RNF121: variants seen among roughly 807,000 people sequenced by gnomAD.
RNF121 encodes the protein E3 ubiquitin ligase RNF121.
RNF121 carries 21 observed loss-of-function variants against 46.5 expected under a neutral mutation model. The ratio of observed to expected loss-of-function variants is 0.45; its 90% confidence interval spans 0.32 to 0.65. The LOEUF (loss-of-function observed/expected upper bound fraction) is 0.65, where lower values mean the gene tolerates loss of function less well. Ranked by LOEUF, RNF121 falls within the 30% of genes least tolerant of loss-of-function variation. The pLI is 0.04. For missense variants in RNF121, 346 were observed against 416.0 expected, an observed-to-expected ratio of 0.83 and a Z score of 1.46; for synonymous variants, 139 against 144.7, an observed-to-expected ratio of 0.96 and a Z score of 0.28.
rs10635678 is a variant in RNF121 at position 71,982,335 on chromosome 11, C to CAAAAAAAA, written c.244-414_244-407dup. Among the ~76,000 whole-genome samples the CAAAAAAAA allele has an allele frequency of 3.3e-4, 26 of 79,076 alleles. 1 individual carries two copies. The highest frequency in any genetic ancestry group is 7.2e-4 in the African/African-American group (14 of 19,562). 51.9% of individuals were successfully genotyped at this position (79,076 alleles called of 152,430 possible). On this transcript the variant is annotated intron_variant, in intron 3 of 8. Coordinates refer to ENST00000361756, the MANE Select transcript of RNF121 (RefSeq NM_018320.5). ...TGGGCAACAGAGCAAGACTCCATCT[C>CAAAAAAAA]AAAAAAAAAAAAAAAAAAAGGAATG...
At chr11:71,949,101 T>C (rs187065075) in intron 1 of RNF121, among the ~76,000 whole-genome samples, 3 of 152,342 alleles carry the variant, frequency 2.0e-5, no homozygotes, top group Non-Finnish European at 2.9e-5. Context: ...GTTGGGCTTA[T>C]TCCTCTTTAA....
chr11:71,984,745 A>ATTTTTTTTT (rs56134788), intron 4 of RNF121, among the ~76,000 whole-genome samples: 51 of 94,826 alleles, frequency 5.4e-4, no homozygotes, highest in African/African-American at 7.9e-4. Context: ...CACCCGGCTA[A>ATTTTTTTTT]TTTTTTTTTT....
chr11:71,957,069 A>T (rs1565148176), intron 1 of RNF121, among the ~76,000 whole-genome samples, 158 bp from the exon 2 acceptor site: 1 of 152,238 alleles, frequency 6.6e-6, no homozygotes, highest in Admixed American at 6.5e-5. Flanking sequence ...GAAGGGAGAG[A>T]TCAGTGTGAA....
chr11:71,950,789 A>G (rs759345950), intron 1 of RNF121, among the ~76,000 whole-genome samples: 20 of 152,036 alleles, frequency 1.3e-4, no homozygotes, highest in South Asian at 2.1e-4. Context: ...AGTAGCTGGG[A>G]CTACAGGCAG....
At chr11:71,934,671 C>T (rs186669781) in intron 1 of RNF121, among the ~76,000 whole-genome samples, 1 of 152,298 alleles carries the variant, frequency 6.6e-6, no homozygotes, top group East Asian at 1.9e-4. Flanking sequence ...GGATATCTGA[C>T]TACCTCTGGA....
intron 2 of RNF121, among the ~76,000 whole-genome samples, chr11:71,958,227 C>A (rs955962818): frequency 6.6e-6 from 1 of 152,066 alleles, no homozygotes; most frequent in Non-Finnish European, 1.5e-5. Context: ...AAGAAGGCAA[C>A]CTGGATTAAT....
intron 5 of RNF121, among the ~76,000 whole-genome samples, chr11:71,988,121 C>T (rs192036900): frequency 7.2e-4 from 110 of 152,314 alleles, no homozygotes; most frequent in African/African-American, 2.6e-3. Context: ...TCCCAGATAA[C>T]GCTGCTCTGT....
intron 1 of RNF121, among the ~76,000 whole-genome samples, chr11:71,937,727 C>G (rs1953454385): frequency 6.6e-6 from 1 of 152,214 alleles, no homozygotes; most frequent in South Asian, 2.1e-4. Context: ...CTTTGCATCT[C>G]TGACTTGCCA....
chr11:71,986,783 A>G (rs909385864), intron 4 of RNF121, among the ~76,000 whole-genome samples: 21 of 151,752 alleles, frequency 1.4e-4, no homozygotes, highest in African/African-American at 3.6e-4. Flanking sequence ...AAAAAAAAAA[A>G]AAAAAAGAAA....
chr11:71,959,387 G>A (rs567504674), intron 2 of RNF121, among the ~76,000 whole-genome samples: 2 of 152,138 alleles, frequency 1.3e-5, no homozygotes, highest in African/African-American at 4.8e-5. Context: ...TTGCTTTATT[G>A]TTTATAATTC....
At chr11:71,969,493 C>CT (rs1024234131) in intron 3 of RNF121, among the ~76,000 whole-genome samples, 8 of 151,826 alleles carry the variant, frequency 5.3e-5, no homozygotes, top group South Asian at 4.2e-4. Context: ...GGTATGTTTT[C>CT]TTTTTTTTGG....
chr11:71,988,113 C>A (rs996102518), intron 5 of RNF121, among the ~76,000 whole-genome samples: 1 of 152,136 alleles, frequency 6.6e-6, no homozygotes, highest in Non-Finnish European at 1.5e-5. Context: ...TAGTATTATC[C>A]CAGATAACGC....
rs770121817 is a variant in RNF121 at position 71,967,349 on chromosome 11, G to GTTTTTTTTTTT, written c.243+6466_243+6476dup. 3.1e-3 allele frequency among the ~76,000 whole-genome samples: 310 copies of GTTTTTTTTTTT among 100,508 alleles called. 3 individuals are homozygous for GTTTTTTTTTTT. Among genetic ancestry groups the GTTTTTTTTTTT allele is most frequent in the East Asian group, 3.7e-3 (12 of 3,208 alleles). The allele number at this position is 100,508 out of a possible 152,430, so 65.9% of individuals were successfully genotyped here. A position where few individuals can be genotyped will look rare whatever the true frequency, so the allele number is the denominator to read the frequency against. On this transcript the variant is annotated intron_variant, in intron 3 of 8. Coordinates refer to ENST00000361756, the MANE Select transcript of RNF121 (RefSeq NM_018320.5). The stretch of plus-strand genomic sequence containing the variant: ...GGTAATAATTATGTGGGTTTTTTTT[G>GTTTTTTTTTTT]TTTTTTTTTTTTTTTTTTGAGACGG...
chr11:71,963,644 A>G (rs1954196842), intron 3 of RNF121, among the ~76,000 whole-genome samples: 1 of 152,140 alleles, frequency 6.6e-6, no homozygotes, highest in African/African-American at 2.4e-5. Flanking sequence ...TTATAGTCTT[A>G]GCTCTTACAT....
Position 71,997,203 on chromosome 11 carries a change from C to CGTGTGTGTGTGTGT in RNF121, c.*899_*912dup, listed in dbSNP as rs3841467. The stretch of plus-strand genomic sequence containing the variant: ...TCTTGAAAGCCTAAGAGTGCGTATG[C>CGTGTGTGTGTGTGT]GTGTGTGTGTGTGTGTGTGTGTGTA... On this transcript the variant is annotated 3_prime_UTR_variant, in exon 9 of 9. Transcript: ENST00000361756. 1.3e-5 allele frequency: 2 copies of CGTGTGTGTGTGTGT among 150,136 alleles called. No homozygotes were observed. The highest frequency in any genetic ancestry group is 1.3e-4 in the Admixed American group (2 of 15,126). 9.3% of individuals were successfully genotyped at this position (150,136 alleles called of 1,614,324 possible). A position where few individuals can be genotyped will look rare whatever the true frequency, so the allele number is the denominator to read the frequency against.
chr11:71,970,807 A>G (rs139723729), intron 3 of RNF121, among the ~76,000 whole-genome samples: 293 of 152,348 alleles, frequency 1.9e-3, no homozygotes, highest in African/African-American at 5.5e-3. Context: ...AAAGAAAGCA[A>G]CTACCAAGAC....
intron 1 of RNF121, among the ~76,000 whole-genome samples, chr11:71,951,820 A>G (rs1352802638): frequency 1.3e-5 from 2 of 152,178 alleles, no homozygotes; most frequent in African/African-American, 4.8e-5. Flanking sequence ...ATCAGAGATT[A>G]TAAGTACTGG....
intron 6 of RNF121, among the ~76,000 whole-genome samples, chr11:71,991,292 A>C (rs1258996747): frequency 2.6e-5 from 4 of 152,096 alleles, no homozygotes; most frequent in Admixed American, 6.6e-5. Context: ...CTTTAGGGCC[A>C]TTATAGGAAA....
At chr11:71,952,117 G>A (rs546176397) in intron 1 of RNF121, among the ~76,000 whole-genome samples, 20 of 152,160 alleles carry the variant, frequency 1.3e-4, no homozygotes, top group Non-Finnish European at 2.6e-4. Flanking sequence ...GTATTTATAC[G>A]ATGGAATATT....
Sources: allele counts gnomAD v4.1 joint callset (sites outside exome capture counted in the v4.1 genomes callset), GRCh38; gene constraint gnomAD v4.1.1; transcripts MANE v1.5; gene names NCBI Gene and HGNC (gene_info 2026-07-23, HGNC 2026-07-21).